The following SORCS1 variants were observed in gnomAD, a reference collection of about 807,000 sequenced individuals.
SORCS1 encodes sortilin related VPS10 domain containing receptor 1.
A neutral mutation model predicts 146.1 loss-of-function variants in SORCS1; 60 were observed. The ratio of observed to expected loss-of-function variants is 0.41; its 90% CI spans 0.33 to 0.51. SORCS1 has a LOEUF of 0.51. SORCS1 is among the 20% of genes least tolerant of loss of function. The pLI is 0.21. For synonymous variants in SORCS1, 637 were observed against 584.0 expected, an observed-to-expected ratio of 1.09 and a Z score of -1.31; for missense variants, 1,352 against 1,487.6, an observed-to-expected ratio of 0.91 and a Z score of 1.50.
At chr10:107,110,302 G>T (rs145848389) in intron 1 of SORCS1, among the ~76,000 whole-genome samples, 3 of 152,144 alleles carry the variant, frequency 2.0e-5, no homozygotes, top group African/African-American at 7.2e-5. Flanking sequence ...TTCTTATATT[G>T]CTATAAAGAA....
At chr10:106,981,475 G>A (rs1956244010) in intron 1 of SORCS1, among the ~76,000 whole-genome samples, 2 of 152,248 alleles carry the variant, frequency 1.3e-5, no homozygotes, top group South Asian at 4.1e-4. Context: ...AAAATGCTGG[G>A]ACAACTTTCT....
At chr10:106,782,469 T>C (rs1860970814) in intron 3 of SORCS1, among the ~76,000 whole-genome samples, 1 of 152,164 alleles carries the variant, frequency 6.6e-6, no homozygotes, top group Non-Finnish European at 1.5e-5. Flanking sequence ...CCTTCATATG[T>C]GTGTTAATTG....
rs950352820 is a variant in SORCS1 at position 106,750,048 on chromosome 10, C to G, written c.959+11540G>C. On this transcript the variant is annotated intron_variant, in intron 5 of 25. Coordinates refer to ENST00000263054, the MANE Select transcript of SORCS1 (RefSeq NM_052918.5). Reference sequence around the variant, plus strand: ...GATTGAATGAACAAGGATAAGCATACAAAGACGTGAAGCAAACTTAGAGGC... The same window carrying G: ...GATTGAATGAACAAGGATAAGCATAGAAAGACGTGAAGCAAACTTAGAGGC... Among the ~76,000 whole-genome samples, 13 of 152,136 alleles carry G rather than the reference C, an allele frequency of 8.5e-5. 1 individual carries two copies. Among genetic ancestry groups the G allele is most frequent in the Non-Finnish European group, 1.5e-5 (1 of 68,026 alleles).
intron 2 of SORCS1, among the ~76,000 whole-genome samples, chr10:106,951,562 G>A (rs184751351): frequency 7.3e-5 from 11 of 150,254 alleles, no homozygotes; most frequent in Non-Finnish European, 1.5e-4. Context: ...CCTATCTGCT[G>A]TTGATCTAGG....
intron 2 of SORCS1, among the ~76,000 whole-genome samples, chr10:106,936,819 AAATAGTTG>A (rs1953746233): frequency 6.6e-6 from 1 of 152,256 alleles, no homozygotes; most frequent in Admixed American, 6.5e-5. Flanking sequence ...ATGGAAAACA[AAATAGTTG>A]ACTTCTCAGA....
chr10:106,746,378 A>G (rs902591381), intron 5 of SORCS1, among the ~76,000 whole-genome samples: 7 of 152,220 alleles, frequency 4.6e-5, no homozygotes, highest in African/African-American at 4.8e-5. Context: ...AAGAGGAAAA[A>G]AATCCTATGC....
At chr10:106,975,059 G>A (rs1467097051) in intron 1 of SORCS1, among the ~76,000 whole-genome samples, 5 of 152,126 alleles carry the variant, frequency 3.3e-5, no homozygotes, top group Non-Finnish European at 2.9e-5. Flanking sequence ...CCAAAGGCTT[G>A]GGTTTTACAC....
intron 1 of SORCS1, among the ~76,000 whole-genome samples, chr10:107,092,043 G>A (rs555816611): frequency 6.6e-6 from 1 of 152,268 alleles, no homozygotes; most frequent in South Asian, 2.1e-4. Flanking sequence ...AGCTGCAAAG[G>A]TGATTTAAGA....
chr10:107,030,741 A>C (rs912476341), intron 1 of SORCS1, among the ~76,000 whole-genome samples: 2 of 152,244 alleles, frequency 1.3e-5, no homozygotes, highest in African/African-American at 4.8e-5. Flanking sequence ...CATTATGCCG[A>C]GTTTAAAACT....
the SORCS1 span, among the ~76,000 whole-genome samples, chr10:107,172,089 T>A: frequency 6.6e-6 from 1 of 152,226 alleles, no homozygotes; most frequent in African/African-American, 2.4e-5. Context: ...ATTGTTAAAC[T>A]GGTATTTTAT....
At chr10:107,051,405 C>A (rs1590023681) in intron 1 of SORCS1, among the ~76,000 whole-genome samples, 1 of 152,066 alleles carries the variant, frequency 6.6e-6, no homozygotes, top group Non-Finnish European at 1.5e-5. Flanking sequence ...CAGTATGTGT[C>A]TAGAATATTG....
chr10:106,694,765 C>T (rs1745821892), intron 9 of SORCS1, among the ~76,000 whole-genome samples: 1 of 152,174 alleles, frequency 6.6e-6, no homozygotes, highest in South Asian at 2.1e-4. Flanking sequence ...ACTGGCTGTC[C>T]TTCATGACAC....
At chr10:106,943,167 G>A (rs760191654) in intron 2 of SORCS1, among the ~76,000 whole-genome samples, 1 of 152,072 alleles carries the variant, frequency 6.6e-6, no homozygotes, top group Admixed American at 6.6e-5. Context: ...AAATTTGGTG[G>A]CTACTTCACA....
intron 1 of SORCS1, among the ~76,000 whole-genome samples, chr10:107,025,792 T>C (rs1454828830): frequency 6.6e-6 from 1 of 152,180 alleles, no homozygotes; most frequent in Non-Finnish European, 1.5e-5. Context: ...CGGGAGTCTT[T>C]TATGGGATAA....
At chr10:107,152,588 T>C (rs981416809) in intron 1 of SORCS1, among the ~76,000 whole-genome samples, 1 of 152,262 alleles carries the variant, frequency 6.6e-6, no homozygotes, top group East Asian at 1.9e-4. Context: ...TGAGCTCTCA[T>C]GGGATCTGAT....
At position 107,056,039 on chromosome 10, in the gene SORCS1, C is replaced by A. The variant is rs146841868; in HGVS notation, c.559-99459G>T. On this transcript the variant is annotated intron_variant, in intron 1 of 25. Coordinates refer to ENST00000263054, the MANE Select transcript of SORCS1 (RefSeq NM_052918.5). ...ATTTAATTTCAGAACCCAGTAGTTTCTTTATGACATTTGGCAGAAACAAAA... is the reference window on the plus strand; with the variant it reads ...ATTTAATTTCAGAACCCAGTAGTTTATTTATGACATTTGGCAGAAACAAAA... Among the ~76,000 whole-genome samples the A allele has an allele frequency of 2.0e-3, 297 of 152,248 alleles. 1 individual carries two copies. The highest frequency in any genetic ancestry group is 6.9e-3 in the African/African-American group (288 of 41,552).
chr10:106,792,500 A>G (rs1470889727), intron 3 of SORCS1, among the ~76,000 whole-genome samples: 1 of 152,254 alleles, frequency 6.6e-6, no homozygotes, highest in African/African-American at 2.4e-5. Flanking sequence ...AATTGAAACA[A>G]ACCTCAAGAG....
chr10:106,574,080 A>C lies in SORCS1; in HGVS notation c.*3340T>G, dbSNP rs1200319493. ...TTTTTTTAATTGGCTTCCTATAAAA[A>C]TAAGTCGGCAAATGAGAGATTTCAA... On this transcript the variant is annotated 3_prime_UTR_variant, in exon 26 of 26. Transcript: ENST00000263054. 6.6e-6 allele frequency: 1 copy of C among 152,516 alleles called. No individual in the cohort carries two copies. The highest frequency in any genetic ancestry group is 1.5e-5 in the Non-Finnish European group (1 of 68,030). 9.4% of individuals were successfully genotyped at this position (152,516 alleles called of 1,614,324 possible). A position where few individuals can be genotyped will look rare whatever the true frequency, so the allele number is the denominator to read the frequency against.
Position 106,970,784 on chromosome 10 carries a change from G to A in SORCS1, c.559-14204C>T, listed in dbSNP as rs144049089. On this transcript the variant is annotated intron_variant, in intron 1 of 25. Coordinates refer to ENST00000263054, the MANE Select transcript of SORCS1 (RefSeq NM_052918.5). ...ACTGAGTTTTGCTCTTGTTGCCCAG[G>A]CTGGAGTGCAATGGCGTGACCCCAG... 5.2e-3 allele frequency among the ~76,000 whole-genome samples: 791 copies of A among 151,862 alleles called. 11 individuals are homozygous for A. The highest frequency in any genetic ancestry group is 0.018 in the African/African-American group (744 of 41,412).
Sources: gnomAD v4.1 joint callset for allele counts (sites outside exome capture counted in the v4.1 genomes callset) on GRCh38, gnomAD v4.1.1 for gene constraint, MANE v1.5 for transcripts, NCBI Gene and HGNC (gene_info 2026-07-23, HGNC 2026-07-21) for gene names.